The following ATRNL1 variants were observed in gnomAD, a reference collection of about 807,000 sequenced individuals.
ATRNL1 encodes attractin like 1, also known as attractin-like protein 1.
A neutral mutation model predicts 182.7 loss-of-function variants in ATRNL1; 95 were observed. The ratio of observed to expected loss-of-function variants is 0.52; its 90% CI spans 0.44 to 0.62. The LOEUF is 0.62. Ranked by LOEUF, ATRNL1 falls within the 20% of genes least tolerant of loss-of-function variation. The probability of loss-of-function intolerance (pLI) is 0.00; values close to 1 mark genes in which losing one functional copy is unlikely to be tolerated. For synonymous variants in ATRNL1, 576 were observed against 568.3 expected, an observed-to-expected ratio of 1.01 and a Z score of -0.19; for missense variants, 1,471 against 1,679.5, an observed-to-expected ratio of 0.88 and a Z score of 2.17.
chr10:115,104,891 TG>T (rs1843932688), intron 1 of ATRNL1, among the ~76,000 whole-genome samples: 1 of 149,652 alleles, frequency 6.7e-6, no homozygotes, highest in African/African-American at 2.5e-5. Context: ...ATTCTGTAAT[TG>T]CTCTATGTGT....
chr10:115,655,041 G>T (rs1212470778), intron 26 of ATRNL1, among the ~76,000 whole-genome samples: 3 of 152,134 alleles, frequency 2.0e-5, no homozygotes, highest in Admixed American at 2.0e-4. Flanking sequence ...AGGAGGGAGA[G>T]AGAAAGATGG....
chr10:115,863,357 A>T (rs2907568), intron 28 of ATRNL1, among the ~76,000 whole-genome samples: 2 of 152,198 alleles, frequency 1.3e-5, no homozygotes, highest in African/African-American at 4.8e-5. Flanking sequence ...ATACTGTAAC[A>T]CCAAAAGCAA....
At chr10:115,246,469 G>A (rs781944119) in intron 10 of ATRNL1, among the ~76,000 whole-genome samples, 2 of 151,766 alleles carry the variant, frequency 1.3e-5, no homozygotes, top group Non-Finnish European at 1.5e-5. Context: ...TCCCCCTCCC[G>A]AATAAGTTGA....
chr10:115,126,215 GC>G (rs1844969240), intron 3 of ATRNL1, among the ~76,000 whole-genome samples: 1 of 152,068 alleles, frequency 6.6e-6, no homozygotes, highest in African/African-American at 2.4e-5. Context: ...GCACCACCGT[GC>G]CCACCTGATT....
chr10:115,189,579 A>T (rs143504465), intron 8 of ATRNL1, among the ~76,000 whole-genome samples: 2 of 152,098 alleles, frequency 1.3e-5, no homozygotes, highest in Non-Finnish European at 2.9e-5. Flanking sequence ...AAGTGAAAAA[A>T]TAGGAAAAAG....
intron 15 of ATRNL1, among the ~76,000 whole-genome samples, chr10:115,292,380 A>AT (rs1439164037): frequency 1.3e-5 from 2 of 149,058 alleles, no homozygotes; most frequent in African/African-American, 2.5e-5. Context: ...CATGATCTTT[A>AT]TTTTTTTCCT....
At chr10:115,278,321 T>C (rs908466303) in intron 13 of ATRNL1, among the ~76,000 whole-genome samples, 8 of 152,188 alleles carry the variant, frequency 5.3e-5, no homozygotes, top group Non-Finnish European at 1.0e-4. Context: ...AAGAAAAACT[T>C]GGGACAAAAT....
At chr10:115,146,824 C>T (rs1257284350) in intron 5 of ATRNL1, among the ~76,000 whole-genome samples, 4 of 147,218 alleles carry the variant, frequency 2.7e-5, no homozygotes, top group Non-Finnish European at 6.0e-5. Context: ...TTGTGGCTGA[C>T]TAGCGTTCCA....
At position 115,868,822 on chromosome 10, in the gene ATRNL1, C is replaced by CTTTTTTTTTTTTTTTTTTTTTTTTTT. The variant is rs67676674; in HGVS notation, c.4018+20856_4018+20857insTTTTTTTTTTTTTTTTTTTTTTTTTT. Among the ~76,000 whole-genome samples, 7 of 58,084 alleles carry CTTTTTTTTTTTTTTTTTTTTTTTTTT rather than the reference C, an allele frequency of 1.2e-4. 2 individuals carry two copies. Among genetic ancestry groups the CTTTTTTTTTTTTTTTTTTTTTTTTTT allele is most frequent in the Non-Finnish European group, 1.6e-4 (5 of 31,540 alleles). 38.1% of individuals were successfully genotyped at this position (58,084 alleles called of 152,430 possible). On this transcript the variant is annotated intron_variant, in intron 28 of 28. Transcript: ENST00000355044. Reference sequence around the variant, plus strand: ...ATATATCTGGTGGCAAGTCTTTATTCTTTTTTTTTTTTTTTTTTTTTTTTT... The same window carrying CTTTTTTTTTTTTTTTTTTTTTTTTTT: ...ATATATCTGGTGGCAAGTCTTTATTCTTTTTTTTTTTTTTTTTTTTTTTTTTTTTTTTTTTTTTTTTTTTTTTTTTT...
chr10:115,099,365 G>C (rs1251523072), intron 1 of ATRNL1, among the ~76,000 whole-genome samples: 4 of 152,170 alleles, frequency 2.6e-5, no homozygotes, highest in Non-Finnish European at 5.9e-5. Flanking sequence ...ATTTTTGGCT[G>C]TTCCTTATAA....
chr10:115,916,004 A>T (rs1555117124), intron 28 of ATRNL1, among the ~76,000 whole-genome samples: 1 of 152,180 alleles, frequency 6.6e-6, no homozygotes, highest in African/African-American at 2.4e-5. Flanking sequence ...GGAGTTACAG[A>T]CTCAGAGAAA....
At chr10:115,402,058 T>A (rs782275705) in intron 20 of ATRNL1, among the ~76,000 whole-genome samples, 3 of 152,178 alleles carry the variant, frequency 2.0e-5, no homozygotes, top group Non-Finnish European at 4.4e-5. Context: ...GCAGGATAGC[T>A]ATTGGTGATG....
chr10:115,215,357 ATAG>A (rs1263192234), intron 8 of ATRNL1, among the ~76,000 whole-genome samples: 2 of 152,208 alleles, frequency 1.3e-5, no homozygotes, highest in African/African-American at 4.8e-5. Context: ...TAACTGTCAC[ATAG>A]TAGGCTCTCA....
Position 115,095,811 on chromosome 10 carries a change from C to G in ATRNL1, c.293+1768C>G, listed in dbSNP as rs568793728. Among the ~76,000 whole-genome samples the G allele has an allele frequency of 4.1e-4, 62 of 152,132 alleles. 1 individual carries two copies. The highest frequency in any genetic ancestry group is 1.3e-3 in the African/African-American group (55 of 41,520). On this transcript the variant is annotated intron_variant, in intron 1 of 28. Transcript: ENST00000355044. ...AACTGGTAGTCAGCAGTGAAAAAGC[C>G]TCATCCATTTTTTACATTTTTTTTA... is the stretch of plus-strand genomic sequence containing the variant.
intron 26 of ATRNL1, among the ~76,000 whole-genome samples, chr10:115,587,765 G>A (rs570063939): frequency 1.2e-4 from 18 of 152,108 alleles, no homozygotes; most frequent in Middle Eastern, 3.4e-3. Flanking sequence ...GTTCCTATTC[G>A]GCCATCTTGG....
chr10:115,833,924 A>C (rs1304693109), intron 27 of ATRNL1, among the ~76,000 whole-genome samples: 3 of 152,206 alleles, frequency 2.0e-5, no homozygotes, highest in East Asian at 1.9e-4. Context: ...GCTCTTCACC[A>C]TATGTGTTCA....
intron 16 of ATRNL1, among the ~76,000 whole-genome samples, chr10:115,301,468 G>C (rs1554924440): frequency 1.3e-5 from 2 of 152,050 alleles, no homozygotes; most frequent in Admixed American, 6.6e-5. Flanking sequence ...TTATATCAAA[G>C]ACATGTTCAC....
chr10:115,144,454 G>A (rs189453289), intron 5 of ATRNL1, among the ~76,000 whole-genome samples: 292 of 151,992 alleles, frequency 1.9e-3, no homozygotes, highest in African/African-American at 6.6e-3. Context: ...CACTGTGCCC[G>A]GCCAATTTTT....
At chr10:115,893,737 G>T (rs566353566) in intron 28 of ATRNL1, among the ~76,000 whole-genome samples, 2 of 152,254 alleles carry the variant, frequency 1.3e-5, no homozygotes, top group East Asian at 1.9e-4. Flanking sequence ...GCAGTGAAGG[G>T]CTAGCAAATG....
Sources: gnomAD v4.1 joint callset for allele counts (sites outside exome capture counted in the v4.1 genomes callset) on GRCh38, gnomAD v4.1.1 for gene constraint, MANE v1.5 for transcripts, NCBI Gene and HGNC (gene_info 2026-07-23, HGNC 2026-07-21) for gene names.